The following SERINC5 variants were observed in gnomAD, a reference collection of about 807,000 sequenced individuals.
The protein encoded by SERINC5 is chromosome 5 open reading frame 12.
SERINC5 carries 41 observed loss-of-function variants against 63.1 expected under a neutral mutation model. The observed-to-expected ratio is 0.65, with a 90% CI of 0.51 to 0.84. The LOEUF is 0.84. Ranked by LOEUF, SERINC5 falls within the 40% of genes least tolerant of loss-of-function variation. The pLI is 0.00. For synonymous variants in SERINC5, 222 were observed against 215.2 expected (o/e 1.03, Z -0.28); for missense variants, 523 against 573.0 (o/e 0.91, Z 0.89).
chr5:80,194,718 C>T lies in SERINC5; in HGVS notation c.195+8168G>A, dbSNP rs77520883. 5.3e-5 allele frequency among the ~76,000 whole-genome samples: 8 copies of T among 152,196 alleles called. No homozygotes were observed. In the South Asian group the frequency reaches 1.2e-3, roughly 24 times the overall value. On this transcript the variant is annotated intron_variant, in intron 2 of 11. Coordinates refer to ENST00000507668, the MANE Select transcript of SERINC5 (RefSeq NM_001174072.3). ...TATTTCCAAAAGTAATACTTCTTAC[C>T]ACTGGGCCCAGAAGAAAGTCTAGAA...
chr5:80,146,929 G>A (rs1341944382), intron 10 of SERINC5, among the ~76,000 whole-genome samples: 1 of 152,230 alleles, frequency 6.6e-6, no homozygotes, highest in African/African-American at 2.4e-5. Flanking sequence ...AAAATAAGGT[G>A]TCAGGACCTC....
chr5:80,229,050 T>TGGGGGTGGGG (rs1174325559), intron 1 of SERINC5, among the ~76,000 whole-genome samples: 1 of 94,104 alleles, frequency 1.1e-5, no homozygotes, highest in Admixed American at 1.3e-4. Flanking sequence ...TTTTTTTTTT[T>TGGGGGTGGGG]GGGGATGGAG....
chr5:80,147,957 C>T (rs746262633), intron 9 of SERINC5, among the ~76,000 whole-genome samples: 7 of 152,104 alleles, frequency 4.6e-5, no homozygotes, highest in Non-Finnish European at 1.0e-4. Flanking sequence ...AGTGACAGAG[C>T]TGGAACAGAC....
intron 1 of SERINC5, among the ~76,000 whole-genome samples, chr5:80,229,021 CTTTTTTTTTTTTTTTTTT>C (rs1166636996): frequency 0.02 from 1,715 of 86,064 alleles, 215 homozygotes; most frequent in African/African-American, 0.069. Flanking sequence ...TTTTACATAC[CTTTTTTTTTTTTTTTTTT>C]TTTTTTTTTT....
intron 1 of SERINC5, among the ~76,000 whole-genome samples, chr5:80,216,089 A>C (rs1372242657): frequency 6.6e-5 from 10 of 152,302 alleles, no homozygotes; most frequent in African/African-American, 2.4e-4. Flanking sequence ...TTTGAGGTTG[A>C]GGGTAAACAA....
At chr5:80,162,114 C>G (rs1361085795) in intron 7 of SERINC5, among the ~76,000 whole-genome samples, 1 of 152,116 alleles carries the variant, frequency 6.6e-6, no homozygotes. Flanking sequence ...AGCTTTGTAG[C>G]ATAATTTGAA....
intron 11 of SERINC5, among the ~76,000 whole-genome samples, chr5:80,117,642 G>GAAAAA (rs11431034): frequency 8.0e-6 from 1 of 124,554 alleles, no homozygotes; most frequent in South Asian, 2.9e-4. Flanking sequence ...TGTGGCTACT[G>GAAAAA]AAAAAAAAAA....
chr5:80,230,619 C>A (rs959841497), intron 1 of SERINC5, among the ~76,000 whole-genome samples: 4 of 152,136 alleles, frequency 2.6e-5, no homozygotes, highest in African/African-American at 7.2e-5. Flanking sequence ...GTCACAGACT[C>A]TGTGACACCA....
chr5:80,221,193 A>C (rs1456045533), intron 1 of SERINC5, among the ~76,000 whole-genome samples: 6 of 152,066 alleles, frequency 3.9e-5, no homozygotes, highest in Non-Finnish European at 7.4e-5. Flanking sequence ...CTGCAGGGTA[A>C]AAATAAATAA....
At chr5:80,233,723 C>T (rs1751556867) in intron 1 of SERINC5, among the ~76,000 whole-genome samples, 1 of 150,166 alleles carries the variant, frequency 6.7e-6, no homozygotes, top group South Asian at 2.1e-4. Flanking sequence ...GAAATTGCTT[C>T]ATATGTTTCT....
intron 1 of SERINC5, among the ~76,000 whole-genome samples, chr5:80,249,582 C>T (rs1215453785): frequency 6.6e-6 from 1 of 152,064 alleles, no homozygotes; most frequent in Admixed American, 6.6e-5. Flanking sequence ...GCGGGCAGAT[C>T]ACCTGAGATC....
intron 2 of SERINC5, among the ~76,000 whole-genome samples, chr5:80,179,359 A>C (rs552723800): frequency 6.6e-6 from 1 of 152,298 alleles, no homozygotes; most frequent in East Asian, 1.9e-4. Flanking sequence ...TAATACGCAA[A>C]ATCCCATCAC....
chr5:80,120,287 T>A (rs114370047), intron 11 of SERINC5, among the ~76,000 whole-genome samples: 1 of 152,206 alleles, frequency 6.6e-6, no homozygotes, highest in Non-Finnish European at 1.5e-5. Flanking sequence ...ATAGTACCTA[T>A]TCTTGGCAAA....
chr5:80,174,898 G>T, intron 5 of SERINC5, 56 bp downstream of exon 5: 1 of 1,284,476 alleles, frequency 7.8e-7, no homozygotes, highest in Non-Finnish European at 1.1e-6. Context: ...TACAGCCTTG[G>T]TCAAAACTGG....
In SERINC5 at chr5:80,206,811, C is replaced by CTTT. The variant is rs35026792; in HGVS notation, c.28-3761_28-3759dup. Among the ~76,000 whole-genome samples, 370 of 117,724 alleles carry CTTT rather than the reference C, an allele frequency of 3.1e-3. 8 individuals are homozygous for CTTT. Among genetic ancestry groups the CTTT allele is most frequent in the Admixed American group, 0.019 (196 of 10,078 alleles). 77.2% of individuals were successfully genotyped at this position (117,724 alleles called of 152,430 possible). On this transcript the variant is annotated intron_variant, in intron 1 of 11. Coordinates refer to ENST00000507668, the MANE Select transcript of SERINC5 (RefSeq NM_001174072.3). ...TCCTAACTGCCTCCTTCACTGATTG[C>CTTT]TTTTTTTTTTTTTTTTTTTAAGAGA...
chr5:80,245,724 C>T (rs1427826696), intron 1 of SERINC5, among the ~76,000 whole-genome samples: 4 of 151,958 alleles, frequency 2.6e-5, no homozygotes, highest in Non-Finnish European at 5.9e-5. Context: ...ATGCAATTCT[C>T]GTGCCTCAGC....
At chr5:80,201,330 G>C (rs1268056223) in intron 2 of SERINC5, among the ~76,000 whole-genome samples, 1 of 152,188 alleles carries the variant, frequency 6.6e-6, no homozygotes, top group African/African-American at 2.4e-5. Context: ...TGGATAGCAA[G>C]GCTTTCTTCT....
At chr5:80,223,852 G>A (rs955878878) in intron 1 of SERINC5, among the ~76,000 whole-genome samples, 11 of 152,040 alleles carry the variant, frequency 7.2e-5, no homozygotes, top group East Asian at 5.8e-4. Context: ...CAAGCCGGGC[G>A]CGGTGGCTCA....
chr5:80,253,123 C>T (rs1752504388), intron 1 of SERINC5, among the ~76,000 whole-genome samples: 1 of 152,192 alleles, frequency 6.6e-6, no homozygotes, highest in South Asian at 2.1e-4. Flanking sequence ...GAAACCGAGC[C>T]TGTCTCATTC....
Sources: gnomAD v4.1 joint callset for allele counts (sites outside exome capture counted in the v4.1 genomes callset) on GRCh38, gnomAD v4.1.1 for gene constraint, MANE v1.5 for transcripts, NCBI Gene and HGNC (gene_info 2026-07-23, HGNC 2026-07-21) for gene names.